PCDHGA4: variants seen among roughly 807,000 people sequenced by gnomAD.
PCDHGA4 encodes the protein protocadherin gamma subfamily A, 4.
Under a neutral mutation model 54.6 loss-of-function variants are expected in PCDHGA4, and 38 were observed. The observed-to-expected ratio is 0.70, with a 90% CI of 0.54 to 0.91. PCDHGA4 has a LOEUF of 0.91. Ranked by LOEUF, PCDHGA4 falls within the 40% of genes least tolerant of loss-of-function variation. The probability of loss-of-function intolerance (pLI) is 0.00; values close to 1 mark genes in which losing one functional copy is unlikely to be tolerated. For synonymous variants in PCDHGA4, 511 were observed against 512.9 expected, an observed-to-expected ratio of 1.00 and a Z score of 0.05; for missense variants, 1,298 against 1,220.9, an observed-to-expected ratio of 1.06 and a Z score of -0.94.
chr5:141,490,700 C>T lies in PCDHGA4; in HGVS notation c.2515-4107C>T. The T allele has an allele frequency of 6.2e-7, 1 of 1,614,152 alleles. No individual in the cohort carries two copies. Among genetic ancestry groups the T allele is most frequent in the Non-Finnish European group, 8.5e-7 (1 of 1,179,984 alleles). ...TCAGATCCAGACACTGGGGATAATG[C>T]CCGCCTCACCTACTCCATTGTAGGA... On this transcript the variant is annotated intron_variant, in intron 1 of 3. Transcript: ENST00000571252. This position sits in a 1 kb window ranked among gnomAD's most constrained non-coding sequence, Gnocchi z 5.4.
At chr5:141,492,509 C>T (rs1276866000) in intron 1 of PCDHGA4, among the ~76,000 whole-genome samples, 1 of 152,216 alleles carries the variant, frequency 6.6e-6, no homozygotes, top group African/African-American at 2.4e-5. Context: ...CCGGAGCCTC[C>T]TCTCACCTCT....
At chr5:141,414,435 C>G (rs891322256) in intron 1 of PCDHGA4, 2 of 1,613,678 alleles carry the variant, frequency 1.2e-6, no homozygotes, top group African/African-American at 1.3e-5. Context: ...AACAGGTATC[C>G]TCTTACAATA....
Position 141,409,996 on chromosome 5 carries a change from G to C in PCDHGA4, c.2514+52375G>C, listed in dbSNP as rs1561724976. 8.7e-6 allele frequency: 14 copies of C among 1,613,014 alleles called. No homozygotes were observed. The Admixed American group carries it at 1.8e-4, about 21-fold the overall frequency. On this transcript the variant is annotated intron_variant, in intron 1 of 3. Transcript: ENST00000571252. ...AGGTGGTAGCGGTGGACGCCGACTC[G>C]GGACACAACGCCTGGCTGTCCTACC...
chr5:141,409,659 A>C, intron 1 of PCDHGA4: 1 of 1,613,574 alleles, frequency 6.2e-7, no homozygotes, highest in Non-Finnish European at 8.5e-7. Flanking sequence ...CTCAATGGCC[A>C]CATCTCCTAC....
At chr5:141,383,848 A>G in intron 1 of PCDHGA4, 1 of 1,613,980 alleles carries the variant, frequency 6.2e-7, no homozygotes. Flanking sequence ...CTTCTATGAA[A>G]TGGAGGTTCA....
intron 1 of PCDHGA4, chr5:141,421,919 TG>T: frequency 6.2e-7 from 1 of 1,613,642 alleles, no homozygotes; most frequent in Non-Finnish European, 8.5e-7. Flanking sequence ...CCCATTCGTG[TG>T]GTGGTCCTCG....
chr5:141,425,394 G>T (rs186813737), intron 1 of PCDHGA4, among the ~76,000 whole-genome samples: 10 of 152,302 alleles, frequency 6.6e-5, no homozygotes, highest in African/African-American at 2.4e-4. Context: ...TAGTGATAAA[G>T]TTCTGTTAAG....
rs1255512461 is a variant in PCDHGA4 at position 141,395,116 on chromosome 5, T to A, written c.2514+37495T>A. 1.2e-6 allele frequency: 2 copies of A among 1,614,098 alleles called. No homozygotes were observed. Among genetic ancestry groups the A allele is most frequent in the African/African-American group, 1.3e-5 (1 of 74,932 alleles). Reference sequence around the variant, plus strand: ...ACCGCCGACTCGCGGAAGAGTCACCTGATCTTTCCCCAGCCCAACTACGCA... The same window carrying A: ...ACCGCCGACTCGCGGAAGAGTCACCAGATCTTTCCCCAGCCCAACTACGCA... On this transcript the variant is annotated intron_variant, in intron 1 of 3. Coordinates refer to ENST00000571252, the MANE Select transcript of PCDHGA4 (RefSeq NM_018917.4).
chr5:141,438,337 T>C (rs935624931), intron 1 of PCDHGA4, among the ~76,000 whole-genome samples: 25 of 151,926 alleles, frequency 1.6e-4, no homozygotes, highest in Non-Finnish European at 1.9e-4. Context: ...ACATGTCATA[T>C]AAGGATCTAC....
At chr5:141,411,771 A>C (rs2095514402) in intron 1 of PCDHGA4, 1 of 151,946 alleles carries the variant, frequency 6.6e-6, no homozygotes, top group Non-Finnish European at 1.5e-5. Flanking sequence ...GGTCTCAGCT[A>C]CTCTGGTGGC....
chr5:141,414,781 G>T, intron 1 of PCDHGA4: 2 of 1,614,230 alleles, frequency 1.2e-6, no homozygotes, highest in Non-Finnish European at 1.7e-6. Flanking sequence ...ACAGATGCAG[G>T]TGACAGCCAG....
At chr5:141,498,971 GGGAAGGAAGGAAGGAAGGAA>G (rs201769957) in intron 2 of PCDHGA4, among the ~76,000 whole-genome samples, 1,566 of 111,048 alleles carry the variant, frequency 0.014, 32 homozygotes, top group African/African-American at 0.048. Flanking sequence ...GAGGGAGGGA[GGGAAGGAAGGAAGGAAGGAA>G]GGAAGGAAGG....
intron 1 of PCDHGA4, chr5:141,427,729 A>G (rs1176707357): frequency 8.5e-7 from 1 of 1,170,166 alleles, no homozygotes; most frequent in African/African-American, 1.5e-5. Context: ...CTAGGGCTGA[A>G]TGGCCAAGTC....
chr5:141,490,313 C>G lies in PCDHGA4; in HGVS notation c.2515-4494C>G. The G allele has an allele frequency of 6.2e-7, 1 of 1,614,222 alleles. No individual in the cohort carries two copies. The highest frequency in any genetic ancestry group is 8.5e-7 in the Non-Finnish European group (1 of 1,180,024). Reference sequence around the variant, plus strand: ...GTGCTATTGGCCTCTTTGGCCAACCCTGTCCTAGAGAGCACACCAGTGGGC... The same window carrying G: ...GTGCTATTGGCCTCTTTGGCCAACCGTGTCCTAGAGAGCACACCAGTGGGC... On this transcript the variant is annotated intron_variant, in intron 1 of 3. Transcript: ENST00000571252. The surrounding 1 kb of genome is among the most constrained non-coding windows in gnomAD (Gnocchi z 5.4).
At chr5:141,415,024 G>T in intron 1 of PCDHGA4, 1 of 1,613,568 alleles carries the variant, frequency 6.2e-7, no homozygotes, top group Non-Finnish European at 8.5e-7. Flanking sequence ...CAAGGCCAGC[G>T]AGCCGGGACT....
Position 141,364,666 on chromosome 5 carries a change from C to A in PCDHGA4, c.2514+7045C>A, listed in dbSNP as rs1763468271. Reference sequence around the variant, plus strand: ...TGAACTTTAACATCTTGGTTGAGAACAAAATGAAAATTTATGGAGTAGAAG... The same window carrying A: ...TGAACTTTAACATCTTGGTTGAGAAAAAAATGAAAATTTATGGAGTAGAAG... On this transcript the variant is annotated intron_variant, in intron 1 of 3. Coordinates refer to ENST00000571252, the MANE Select transcript of PCDHGA4 (RefSeq NM_018917.4). The A allele has an allele frequency of 2.5e-6, 4 of 1,614,022 alleles. No homozygotes were observed. The East Asian group carries it at 6.7e-5, about 27-fold the overall frequency.
At chr5:141,474,452 G>A (rs1341193950) in intron 1 of PCDHGA4, among the ~76,000 whole-genome samples, 1 of 152,158 alleles carries the variant, frequency 6.6e-6, no homozygotes, top group Non-Finnish European at 1.5e-5. Flanking sequence ...CAAGTGATTG[G>A]GCTATACTCT....
intron 1 of PCDHGA4, among the ~76,000 whole-genome samples, chr5:141,455,160 G>GTT (rs59530096): frequency 1.3e-4 from 20 of 149,232 alleles, no homozygotes; most frequent in South Asian, 1.1e-3. Flanking sequence ...TAGTTTGTTG[G>GTT]TTTTTTTTTT....
chr5:141,505,614 A>G (rs2154593732), intron 3 of PCDHGA4, 133 bp downstream of exon 3: 1 of 1,510,758 alleles, frequency 6.6e-7, no homozygotes, highest in Non-Finnish European at 8.9e-7. Context: ...GTCTGAAAGG[A>G]CCCACAATTC....
Sources: allele counts gnomAD v4.1 joint callset (sites outside exome capture counted in the v4.1 genomes callset), GRCh38; gene constraint gnomAD v4.1.1; non-coding constraint Gnocchi (gnomAD v3.1); transcripts MANE v1.5; gene names NCBI Gene and HGNC (gene_info 2026-07-23, HGNC 2026-07-21).